EYS: variants seen among roughly 807,000 people sequenced by gnomAD.
EYS encodes protein eyes shut homolog.
Under a neutral mutation model 282.1 loss-of-function variants are expected in EYS, and 250 were observed. The ratio of observed to expected loss-of-function variants is 0.89; its 90% CI spans 0.80 to 0.98. The LOEUF (loss-of-function observed/expected upper bound fraction) is 0.98, where lower values mean the gene tolerates loss of function less well. Among genes scored for constraint, EYS ranks in the 50% least tolerant of loss-of-function variants. The pLI, the probability that EYS is intolerant of heterozygous loss-of-function variation, is 0.00. For synonymous variants in EYS, 1,355 were observed against 1,282.9 expected (o/e 1.06, Z -1.20); for missense variants, 4,016 against 3,709.0 (o/e 1.08, Z -2.15).
At chr6:64,775,191 G>A (rs973532025) in intron 22 of EYS, among the ~76,000 whole-genome samples, 13 of 151,870 alleles carry the variant, frequency 8.6e-5, no homozygotes, top group South Asian at 6.2e-4. Flanking sequence ...TCAACAAACA[G>A]ACAAACAAAA....
chr6:64,176,855 T>C (rs1339057037), intron 31 of EYS, among the ~76,000 whole-genome samples: 3 of 152,090 alleles, frequency 2.0e-5, no homozygotes, highest in African/African-American at 4.8e-5. Flanking sequence ...AGGACCGTTA[T>C]TGAAAAAGAT....
chr6:65,001,535 G>C (rs1328358400), intron 13 of EYS, among the ~76,000 whole-genome samples: 1 of 147,824 alleles, frequency 6.8e-6, no homozygotes, highest in African/African-American at 2.4e-5. Flanking sequence ...CTGGGTACGG[G>C]CTAGGGAGCA....
chr6:64,009,848 A>G (rs1261605778), intron 33 of EYS, among the ~76,000 whole-genome samples: 1 of 152,042 alleles, frequency 6.6e-6, no homozygotes, highest in East Asian at 1.9e-4. Flanking sequence ...TTTCTCATCT[A>G]TATGGGTTGA....
In EYS at chr6:63,721,809, C is replaced by G; in HGVS notation, c.8234-12G>C. ...GCATAAAAAATCACCTGCAAGAAAG[C>G]AAACAGTAAGTTTGATTAGCAACAG... On this transcript the variant is annotated splice_polypyrimidine_tract_variant and intron_variant, in intron 42 of 42. Coordinates refer to ENST00000503581, the MANE Select transcript of EYS (RefSeq NM_001142800.2). The G allele has an allele frequency of 6.5e-7, 1 of 1,535,438 alleles. No individual in the cohort carries two copies. The highest frequency in any genetic ancestry group is 8.8e-7 in the Non-Finnish European group (1 of 1,139,478).
intron 1 of EYS, among the ~76,000 whole-genome samples, chr6:65,681,242 C>T (rs1340713839): frequency 6.6e-6 from 1 of 151,928 alleles, no homozygotes; most frequent in Non-Finnish European, 1.5e-5. Context: ...CCAACTCATC[C>T]CTAGAGCCTT....
chr6:64,448,157 C>T (rs1276364087), intron 26 of EYS, among the ~76,000 whole-genome samples: 1 of 152,184 alleles, frequency 6.6e-6, no homozygotes, highest in Admixed American at 6.5e-5. Flanking sequence ...AACTCCCACC[C>T]TAATACTGTG....
chr6:65,164,157 C>T (rs1764914681), intron 12 of EYS, among the ~76,000 whole-genome samples: 1 of 151,362 alleles, frequency 6.6e-6, no homozygotes, highest in African/African-American at 2.4e-5. Flanking sequence ...TACATTTATA[C>T]ATTTGTAAAC....
chr6:64,389,584 T>C (rs1773033231), intron 28 of EYS, among the ~76,000 whole-genome samples: 1 of 152,280 alleles, frequency 6.6e-6, no homozygotes, highest in East Asian at 1.9e-4. Context: ...ATATAGTCTA[T>C]GGGTTTTTTC....
chr6:65,374,847 G>A (rs1765300732), intron 8 of EYS, among the ~76,000 whole-genome samples: 1 of 152,138 alleles, frequency 6.6e-6, no homozygotes, highest in Non-Finnish European at 1.5e-5. Context: ...TCTTCACTGG[G>A]TAGGGCATCT....
rs775947469 is a variant in EYS at position 63,912,966 on chromosome 6, GGACTAA to G, written c.7056-48614_7056-48609del. 2.3e-3 allele frequency among the ~76,000 whole-genome samples: 351 copies of G among 152,206 alleles called. 6 individuals carry two copies. The highest frequency in any genetic ancestry group is 5.3e-4 in the Non-Finnish European group (36 of 68,022). The stretch of plus-strand genomic sequence containing the variant: ...CAGGAATTTACAGCAGTGCAAGAAT[GGACTAA>G]TACAGTGAGGTTAGCAGATACTGTG... On this transcript the variant is annotated intron_variant, in intron 35 of 42. Transcript: ENST00000503581.
chr6:64,686,763 G>GTGTATATATATATATATA (rs1770126860), intron 22 of EYS, among the ~76,000 whole-genome samples: 2 of 8,580 alleles, frequency 2.3e-4, no homozygotes, highest in Non-Finnish European at 1.4e-3. Context: ...ATATATATAT[G>GTGTATATATATATATATA]TGTGTATATA....
intron 29 of EYS, among the ~76,000 whole-genome samples, chr6:64,378,471 T>A (rs1772635618): frequency 6.6e-6 from 1 of 152,152 alleles, no homozygotes; most frequent in Non-Finnish European, 1.5e-5. Flanking sequence ...AAACTTTCAT[T>A]TCCAGAATGG....
At chr6:63,851,390 A>C (rs945292105) in intron 36 of EYS, among the ~76,000 whole-genome samples, 12 of 152,158 alleles carry the variant, frequency 7.9e-5, no homozygotes, top group African/African-American at 2.9e-4. Context: ...GCACCACATC[A>C]CACTTATTCT....
chr6:64,680,353 G>A (rs188730952), intron 22 of EYS, among the ~76,000 whole-genome samples: 1 of 152,180 alleles, frequency 6.6e-6, no homozygotes, highest in Non-Finnish European at 1.5e-5. Flanking sequence ...CTACAGGCAG[G>A]AATACAACAA....
intron 29 of EYS, among the ~76,000 whole-genome samples, chr6:64,312,230 G>A (rs1285197250): frequency 6.6e-6 from 1 of 151,956 alleles, no homozygotes; most frequent in African/African-American, 2.4e-5. Flanking sequence ...TTGAGTAGGT[G>A]GTTTTACCCT....
At chr6:65,608,234 G>C (rs1484911902) in intron 2 of EYS, among the ~76,000 whole-genome samples, 1 of 151,912 alleles carries the variant, frequency 6.6e-6, no homozygotes, top group South Asian at 2.1e-4. Context: ...ACCTGTATGA[G>C]GTACTACTGT....
At chr6:65,247,547 T>C (rs932736143) in intron 12 of EYS, among the ~76,000 whole-genome samples, 7 of 152,090 alleles carry the variant, frequency 4.6e-5, no homozygotes, top group African/African-American at 7.2e-5. Flanking sequence ...ACAGAGAACA[T>C]TGCCTAGTAT....
intron 1 of EYS, among the ~76,000 whole-genome samples, chr6:65,644,597 C>T (rs1767389990): frequency 6.6e-6 from 1 of 152,128 alleles, no homozygotes; most frequent in African/African-American, 2.4e-5. Context: ...AAGATCATTG[C>T]CTAGGCACAT....
chr6:65,243,414 TG>T (rs1477095879), intron 12 of EYS, among the ~76,000 whole-genome samples: 6 of 152,056 alleles, frequency 3.9e-5, no homozygotes, highest in Non-Finnish European at 8.8e-5. Context: ...GAATAGGAGT[TG>T]GGGGGTGAAG....
Sources: allele counts gnomAD v4.1 joint callset (sites outside exome capture counted in the v4.1 genomes callset), GRCh38; gene constraint gnomAD v4.1.1; transcripts MANE v1.5; gene names NCBI Gene and HGNC (gene_info 2026-07-23, HGNC 2026-07-21).